Variants in SHROOM3 observed in about 807,000 individuals in gnomAD.
The protein encoded by SHROOM3 is shroom family member 3, also known as protein Shroom3.
A neutral mutation model predicts 138.6 loss-of-function variants in SHROOM3; 47 were observed. The observed-to-expected ratio is 0.34, with a 90% CI of 0.27 to 0.43. SHROOM3 has a LOEUF of 0.43. SHROOM3 is among the 20% of genes least tolerant of loss of function. SHROOM3 has a pLI of 1.00. For missense variants in SHROOM3, 2,491 were observed against 2,596.5 expected, an observed-to-expected ratio of 0.96 and a Z score of 0.88; for synonymous variants, 1,062 against 1,063.3, an observed-to-expected ratio of 1.00 and a Z score of 0.02.
chr4:76,768,858 G>A (rs1239757330), intron 9 of SHROOM3, among the ~76,000 whole-genome samples: 1 of 152,142 alleles, frequency 6.6e-6, no homozygotes, highest in African/African-American at 2.4e-5. Flanking sequence ...GGATTAGGCA[G>A]ATTGAGAAAA....
intron 2 of SHROOM3, among the ~76,000 whole-genome samples, chr4:76,674,677 C>T (rs1718981126): frequency 6.6e-6 from 1 of 151,210 alleles, no homozygotes; most frequent in Non-Finnish European, 1.5e-5. Flanking sequence ...ACCTCAGCCT[C>T]CCAAGTAGCT....
intron 6 of SHROOM3, 64 bp from the exon 7 acceptor site, chr4:76,754,247 C>A: frequency 3.8e-6 from 6 of 1,593,918 alleles, no homozygotes; most frequent in Non-Finnish European, 3.4e-6. Flanking sequence ...ATGTAAGGAG[C>A]ATTGGGCTGC....
At chr4:76,610,170 A>G (rs766303974) in intron 2 of SHROOM3, among the ~76,000 whole-genome samples, 2 of 152,246 alleles carry the variant, frequency 1.3e-5, no homozygotes, top group Non-Finnish European at 2.9e-5. Flanking sequence ...TAAAACTAAA[A>G]GAGAAGATAA....
chr4:76,548,039 C>T (rs761693460), intron 1 of SHROOM3, among the ~76,000 whole-genome samples: 68 of 147,262 alleles, frequency 4.6e-4, no homozygotes, highest in Non-Finnish European at 8.7e-4. Flanking sequence ...AATTTTAAAG[C>T]GGTAGCTAGG....
rs374543213 is a variant in SHROOM3, at chr4:76,739,040, T to A, written c.867T>A (p.Thr289=). The A allele has an allele frequency of 1.3e-5, 21 of 1,614,102 alleles. No homozygotes were observed. Among genetic ancestry groups the A allele is most frequent in the Non-Finnish European group, 1.7e-5 (20 of 1,180,042 alleles). Residue 289 remains threonine, a synonymous_variant, in exon 5 of 11, where the codon ACT becomes ACA. Transcript: ENST00000296043. ...AGCGTTCAGGCTCCATGGACAATAC[T>A]TCTGCTCGAGGTGGCCTCCTCGAAG... The part of the protein sequence containing the change: ...GRERSGSMDN[T]SARGGLLEGM...
chr4:76,516,729 G>T (rs763956056), intron 1 of SHROOM3, among the ~76,000 whole-genome samples: 1 of 152,084 alleles, frequency 6.6e-6, no homozygotes, highest in African/African-American at 2.4e-5. Flanking sequence ...ACTTAAGTTG[G>T]GTCTCCAGAT....
At chr4:76,516,153 C>T (rs894407524) in intron 1 of SHROOM3, among the ~76,000 whole-genome samples, 1 of 152,206 alleles carries the variant, frequency 6.6e-6, no homozygotes, top group Admixed American at 6.5e-5. Flanking sequence ...CTCCTTCACC[C>T]ACTATGGTTA....
intron 1 of SHROOM3, among the ~76,000 whole-genome samples, chr4:76,511,041 G>A (rs1303091755): frequency 1.3e-5 from 2 of 152,080 alleles, no homozygotes; most frequent in Non-Finnish European, 2.9e-5. Context: ...AATTAGCCAA[G>A]TGTGGTGGTT....
intron 1 of SHROOM3, among the ~76,000 whole-genome samples, chr4:76,541,606 G>A (rs986856845): frequency 6.9e-6 from 1 of 144,548 alleles, no homozygotes; most frequent in Non-Finnish European, 1.5e-5. Flanking sequence ...TGAGAAGGCC[G>A]GGATTCACAT....
chr4:76,500,718 T>C (rs1404629274), intron 1 of SHROOM3, among the ~76,000 whole-genome samples: 2 of 152,330 alleles, frequency 1.3e-5, no homozygotes, highest in South Asian at 2.1e-4. Flanking sequence ...GGAAGTTGGA[T>C]ACCTTTTCGT....
chr4:76,583,019 G>A (rs1734080892), intron 2 of SHROOM3, among the ~76,000 whole-genome samples: 1 of 152,206 alleles, frequency 6.6e-6, no homozygotes, highest in African/African-American at 2.4e-5. Flanking sequence ...GTTTGTGAGA[G>A]CATTCCACAT....
chr4:76,759,678 G>C lies in SHROOM3; in HGVS notation c.5332G>C (p.Asp1778His), dbSNP rs199558629. 7.4e-5 allele frequency: 120 copies of C among 1,614,060 alleles called. 1 individual carries two copies. Among genetic ancestry groups the C allele is most frequent in the South Asian group, 5.9e-4 (54 of 91,044 alleles). ...AEVNEEEEQADVNEKKAELIG... is the reference protein window; with the variant it reads ...AEVNEEEEQAHVNEKKAELIG... ...AGTGAATGAGGAAGAGGAACAGGCA[G>C]ATGTCAATGAAAAGAAGGTAAATAA... Residue 1778 changes from aspartate (D) to histidine (H), a missense_variant, in exon 9 of 11, where the codon GAT (aspartate) becomes CAT (histidine). Asp to His is a moderately conservative substitution (Grantham distance 81). Coordinates refer to ENST00000296043, the MANE Select transcript of SHROOM3 (RefSeq NM_020859.4).
chr4:76,467,762 G>A (rs1448319655), intron 1 of SHROOM3, among the ~76,000 whole-genome samples: 2 of 152,148 alleles, frequency 1.3e-5, no homozygotes, highest in Admixed American at 6.5e-5. Context: ...TCACAAACCC[G>A]GGTATAACTT....
chr4:76,657,201 C>CTA (rs1464569494), intron 2 of SHROOM3, among the ~76,000 whole-genome samples: 23 of 148,960 alleles, frequency 1.5e-4, no homozygotes, highest in African/African-American at 3.8e-4. Context: ...CTCTCTCTCT[C>CTA]TCTATATATA....
At chr4:76,554,369 A>G (rs752731362) in intron 1 of SHROOM3, among the ~76,000 whole-genome samples, 53 of 152,168 alleles carry the variant, frequency 3.5e-4, no homozygotes, top group Non-Finnish European at 6.3e-4. Context: ...ATTTTAGAAC[A>G]AAAAGTAAGG....
chr4:76,771,292 C>T (rs569615709), intron 10 of SHROOM3, among the ~76,000 whole-genome samples: 43 of 151,786 alleles, frequency 2.8e-4, no homozygotes, highest in African/African-American at 1.0e-3. Context: ...GCAGGAGAAT[C>T]GCTTGAACCC....
At chr4:76,523,910 C>G (rs1048580013) in intron 1 of SHROOM3, among the ~76,000 whole-genome samples, 3 of 152,094 alleles carry the variant, frequency 2.0e-5, no homozygotes, top group Non-Finnish European at 4.4e-5. Flanking sequence ...AGGCAGGAAG[C>G]CTGTCATCCA....
At chr4:76,560,727 G>A (rs780957875) in intron 2 of SHROOM3, among the ~76,000 whole-genome samples, 12 of 152,126 alleles carry the variant, frequency 7.9e-5, no homozygotes, top group East Asian at 1.9e-4. Flanking sequence ...CAAATATTTC[G>A]TACTTTTTTA....
chr4:76,658,596 T>C (rs1736116116), intron 2 of SHROOM3, among the ~76,000 whole-genome samples: 1 of 152,176 alleles, frequency 6.6e-6, no homozygotes, highest in South Asian at 2.1e-4. Context: ...GTGAACTATA[T>C]ATAATAGTGT....
Sources: allele counts gnomAD v4.1 joint callset (sites outside exome capture counted in the v4.1 genomes callset), GRCh38; gene constraint gnomAD v4.1.1; transcripts MANE v1.5; gene names NCBI Gene and HGNC (gene_info 2026-07-23, HGNC 2026-07-21).